IZUMO1: variants seen among roughly 807,000 people sequenced by gnomAD.
IZUMO1 encodes the protein izumo sperm-oocyte fusion 1, also known as izumo sperm-egg fusion protein 1.
Under a neutral mutation model 40.7 loss-of-function variants are expected in IZUMO1, and 44 were observed. The ratio of observed to expected loss-of-function variants is 1.08; its 90% CI spans 0.85 to 1.39. The LOEUF (loss-of-function observed/expected upper bound fraction) is 1.39, where lower values mean the gene tolerates loss of function less well. Among genes scored for constraint, IZUMO1 ranks in the 40% most tolerant of loss-of-function variants. The pLI, the probability that IZUMO1 is intolerant of heterozygous loss-of-function variation, is 0.00. For synonymous variants in IZUMO1, 149 were observed against 170.9 expected, an observed-to-expected ratio of 0.87 and a Z score of 1.00; for missense variants, 368 against 436.9, an observed-to-expected ratio of 0.84 and a Z score of 1.41.
At chr19:48,743,591 G>A (rs1215773227) in intron 5 of IZUMO1, 66 bp from the exon 6 acceptor site, 1 of 1,274,500 alleles carries the variant, frequency 7.8e-7, no homozygotes, top group East Asian at 2.3e-5. Context: ...AGAGGTCAGG[G>A]CTAAGGGCTG....
At position 48,745,798 on chromosome 19, in the gene IZUMO1, C is replaced by T. The variant is rs765399183; in HGVS notation, c.62G>A (p.Gly21Glu). The change falls in exon 2 of 10, where the codon GGG (glycine) becomes GAG (glutamate). Residue 21 changes from glycine to glutamate, a missense_variant. Physicochemically the swap from Gly to Glu is moderately conservative, Grantham distance 98. Transcript: ENST00000332955. ...GACAGACGGGTCACATATAACACAC[C>T]CCTCGGCAGGAAGCAAGCAACCGGC... is the stretch of plus-strand genomic sequence containing the variant. Reference protein sequence around the residue: ...ALAGCLLPAEGCVICDPSVVL... With the variant: ...ALAGCLLPAEECVICDPSVVL... 3 of 1,614,216 alleles carry T rather than the reference C, an allele frequency of 1.9e-6. No homozygotes were observed. The highest frequency in any genetic ancestry group is 1.7e-6 in the Non-Finnish European group (2 of 1,180,046).
intron 4 of IZUMO1, 27 bp downstream of exon 4, chr19:48,744,426 G>T: frequency 6.4e-7 from 1 of 1,552,272 alleles, no homozygotes; most frequent in Non-Finnish European, 8.9e-7. Context: ...GAGGAGCTGG[G>T]GGACACCGAC....
Position 48,741,249 on chromosome 19 carries a change from A to G in IZUMO1, c.932+52T>C. 1 of 1,510,144 alleles carries G rather than the reference A, an allele frequency of 6.6e-7. No homozygotes were observed. Among genetic ancestry groups the G allele is most frequent in the Non-Finnish European group, 8.9e-7 (1 of 1,129,862 alleles). The allele number at this position is 1,510,144 out of a possible 1,614,324, so 93.5% of individuals were successfully genotyped here. A position where few individuals can be genotyped will look rare whatever the true frequency, so the allele number is the denominator to read the frequency against. On this transcript the variant is annotated intron_variant, in intron 9 of 9. Transcript: ENST00000332955. The surrounding 1 kb of genome is among the most constrained non-coding windows in gnomAD (Gnocchi z 4.4). ...CCAGCTTCTGTGTTGGGTTCCTGGA[A>G]GCCCCGCCCCTTACTCCAAGCCAAG...
chr19:48,742,528 A>T (rs926753566), intron 6 of IZUMO1, among the ~76,000 whole-genome samples: 1 of 151,092 alleles, frequency 6.6e-6, no homozygotes, highest in African/African-American at 2.4e-5. Context: ...TTGTATTTTT[A>T]GTAGAGATGG....
chr19:48,741,038 G>A lies in IZUMO1; in HGVS notation c.933-10C>T. On this transcript the variant is annotated splice_polypyrimidine_tract_variant and intron_variant, in intron 9 of 9. Transcript: ENST00000332955. This position sits in a 1 kb window ranked among gnomAD's most constrained non-coding sequence, Gnocchi z 4.4. ...CCTTCGACGAAATATCCTAGGGGTG[G>A]GAGTGGGGTGCAGATCATGGAACCG... The A allele has an allele frequency of 1.2e-6, 2 of 1,613,640 alleles. No homozygotes were observed. The highest frequency in any genetic ancestry group is 1.7e-6 in the Non-Finnish European group (2 of 1,179,950).
At chr19:48,744,219 G>A in intron 4 of IZUMO1, 24 bp from the exon 5 acceptor site, 1 of 1,609,096 alleles carries the variant, frequency 6.2e-7, no homozygotes, top group East Asian at 2.2e-5. Context: ...GAAAAAAAGA[G>A]AGCAAGAAAG....
chr19:48,743,767 C>T (rs12462335), intron 5 of IZUMO1: 14 of 539,798 alleles, frequency 2.6e-5, no homozygotes, highest in Middle Eastern at 5.0e-4. Context: ...CCGAGGCGGG[C>T]GGATCACAAG....
At chr19:48,743,803 C>T (rs1013267295) in intron 5 of IZUMO1, 2 of 502,330 alleles carry the variant, frequency 4.0e-6, no homozygotes, top group South Asian at 4.4e-5. Context: ...CTAGCCTGAC[C>T]AACATGGTGA....
Position 48,741,078 on chromosome 19 carries a change from T to G in IZUMO1, c.933-50A>C. ...TCATGGAACCGGTTTGGGTACTAAT[T>G]GTGTGGGGGACACCCCTCCCAACCT... On this transcript the variant is annotated intron_variant, in intron 9 of 9. Coordinates refer to ENST00000332955, the MANE Select transcript of IZUMO1 (RefSeq NM_182575.3). This position sits in a 1 kb window ranked among gnomAD's most constrained non-coding sequence, Gnocchi z 4.4. 1 of 1,608,824 alleles carries G rather than the reference T, an allele frequency of 6.2e-7. No homozygotes were observed. The highest frequency in any genetic ancestry group is 8.5e-7 in the Non-Finnish European group (1 of 1,177,070).
chr19:48,746,003 C>T (rs754683155), intron 1 of IZUMO1, 71 bp from the exon 2 acceptor site: 87 of 1,457,332 alleles, frequency 6.0e-5, no homozygotes, highest in Non-Finnish European at 6.4e-5. Context: ...GTCCGCAAAC[C>T]TCGAAAAGAG....
Position 48,741,764 on chromosome 19 carries a change from CTT to C in IZUMO1, c.754+23_754+24del, listed in dbSNP as rs1323229373. On this transcript the variant is annotated intron_variant, in intron 8 of 9. Coordinates refer to ENST00000332955, the MANE Select transcript of IZUMO1 (RefSeq NM_182575.3). The surrounding 1 kb of genome is among the most constrained non-coding windows in gnomAD (Gnocchi z 4.4). The stretch of plus-strand genomic sequence containing the variant: ...GCTTTCCTGGGCCCTGAATCCTACA[CTT>C]CTCTCAGCCCCACAGCACTGACCTG... 1.3e-6 allele frequency: 2 copies of C among 1,534,330 alleles called. No homozygotes were observed. The highest frequency in any genetic ancestry group is 1.8e-6 in the Non-Finnish European group (2 of 1,136,762).
chr19:48,743,763 C>T (rs995184940), intron 5 of IZUMO1: 13 of 546,298 alleles, frequency 2.4e-5, no homozygotes, highest in Non-Finnish European at 4.0e-5. Context: ...GAGGCCGAGG[C>T]GGGCGGATCA....
At chr19:48,742,539 G>T (rs2033739465) in intron 6 of IZUMO1, among the ~76,000 whole-genome samples, 1 of 151,736 alleles carries the variant, frequency 6.6e-6, no homozygotes, top group Admixed American at 6.6e-5. Flanking sequence ...GTAGAGATGG[G>T]GTTTCACCAT....
In IZUMO1 at chr19:48,741,628, CG is replaced by C; in HGVS notation, c.755-151del. ...ACACACCCAAGGGAACCCCTGTCCT[CG>C]GGGCCAGAGGCCACGCCCCCGGCAG... On this transcript the variant is annotated intron_variant, in intron 8 of 9. Transcript: ENST00000332955. The surrounding 1 kb of genome is among the most constrained non-coding windows in gnomAD (Gnocchi z 4.4). 8.0e-7 allele frequency: 1 copy of C among 1,253,800 alleles called. No homozygotes were observed. The highest frequency in any genetic ancestry group is 1.5e-5 in the South Asian group (1 of 65,946). 77.7% of individuals were successfully genotyped at this position (1,253,800 alleles called of 1,614,324 possible).
chr19:48,743,998 A>T lies in IZUMO1; in HGVS notation c.418+177T>A, dbSNP rs1158621502. 4 of 663,048 alleles carry T rather than the reference A, an allele frequency of 6.0e-6. No homozygotes were observed. The African/African-American group carries it at 7.2e-5, about 12-fold the overall frequency. 41.1% of individuals were successfully genotyped at this position (663,048 alleles called of 1,614,324 possible). On this transcript the variant is annotated intron_variant, in intron 5 of 9. Transcript: ENST00000332955. ...AGGGTGAGACTGTCTCAAAAAAAAG[A>T]GTGTAAGTAGAATATGACCTGCTCC...
intron 2 of IZUMO1, 89 bp downstream of exon 2, chr19:48,745,536 G>A (rs372362023): frequency 6.7e-7 from 1 of 1,490,900 alleles, no homozygotes; most frequent in Admixed American, 1.8e-5. Flanking sequence ...CCCGAATCCC[G>A]GAGACCCTGC....
rs1452441767 is a variant in IZUMO1, at chr19:48,743,556, C to T, written c.419-31G>A. ...GGGGCAGGGTCAAGGCTTGTATTTG[C>T]CCACTAAGGGGCATGGCTAAAAGGA... On this transcript the variant is annotated intron_variant, in intron 5 of 9. Coordinates refer to ENST00000332955, the MANE Select transcript of IZUMO1 (RefSeq NM_182575.3). The T allele has an allele frequency of 3.3e-6, 5 of 1,538,306 alleles. No homozygotes were observed. The East Asian group carries it at 9.0e-5, about 28-fold the overall frequency.
Position 48,741,709 on chromosome 19 carries a change from G to C in IZUMO1, c.754+80C>G. 6.8e-7 allele frequency: 1 copy of C among 1,462,502 alleles called. No homozygotes were observed. The highest frequency in any genetic ancestry group is 2.4e-5 in the East Asian group (1 of 41,864). 90.6% of individuals were successfully genotyped at this position (1,462,502 alleles called of 1,614,324 possible). A position where few individuals can be genotyped will look rare whatever the true frequency, so the allele number is the denominator to read the frequency against. On this transcript the variant is annotated intron_variant, in intron 8 of 9. Transcript: ENST00000332955. The surrounding 1 kb of genome is among the most constrained non-coding windows in gnomAD (Gnocchi z 4.4). ...CCCAACAGGAAGTCACGCCCCCATC[G>C]CCAAGGCCACGCCCCCGCCGCGGAC...
chr19:48,742,475 G>A (rs767810214), intron 6 of IZUMO1, among the ~76,000 whole-genome samples, 166 bp from the exon 7 acceptor site: 4 of 151,980 alleles, frequency 2.6e-5, no homozygotes, highest in Admixed American at 6.6e-5. Flanking sequence ...AGCCTCCTGA[G>A]TATCTGGGAC....
Sources: allele counts gnomAD v4.1 joint callset (sites outside exome capture counted in the v4.1 genomes callset), GRCh38; gene constraint gnomAD v4.1.1; non-coding constraint Gnocchi (gnomAD v3.1); transcripts MANE v1.5; gene names NCBI Gene and HGNC (gene_info 2026-07-23, HGNC 2026-07-21).